The following ROBO1 variants were observed in gnomAD, a reference collection of about 807,000 sequenced individuals.
The protein encoded by ROBO1 is roundabout guidance receptor 1, also known as roundabout homolog 1.
In ROBO1, 149 loss-of-function variants were observed where a neutral mutation model predicts 195.9. That is an observed-to-expected ratio of 0.76 (90% CI 0.67 to 0.87). The LOEUF (loss-of-function observed/expected upper bound fraction) is 0.87. Among genes scored for constraint, ROBO1 ranks in the 40% least tolerant of loss-of-function variants. The probability of loss-of-function intolerance (pLI) is 0.00; values close to 1 mark genes in which losing one functional copy is unlikely to be tolerated. For synonymous variants in ROBO1, 816 were observed against 733.2 expected (o/e 1.11, Z -1.82); for missense variants, 1,933 against 2,068.3 (o/e 0.93, Z 1.27).
At chr3:78,775,316 C>T (rs764277569) in intron 4 of ROBO1, among the ~76,000 whole-genome samples, 10 of 152,172 alleles carry the variant, frequency 6.6e-5, no homozygotes, top group South Asian at 2.1e-4. Flanking sequence ...AAGGTACAGA[C>T]GTTCATTTCC....
chr3:79,046,291 A>G (rs892769808), intron 3 of ROBO1, among the ~76,000 whole-genome samples: 2 of 152,034 alleles, frequency 1.3e-5, no homozygotes, highest in African/African-American at 2.4e-5. Flanking sequence ...GCTAATAGCC[A>G]CCTGAGGGAG....
At chr3:79,444,717 C>T (rs571994837) in intron 2 of ROBO1, among the ~76,000 whole-genome samples, 77 of 151,932 alleles carry the variant, frequency 5.1e-4, no homozygotes, top group Non-Finnish European at 8.5e-4. Context: ...ATCAAATGTA[C>T]ATGAATAGTA....
chr3:79,245,936 C>T (rs995525291), intron 2 of ROBO1, among the ~76,000 whole-genome samples: 1 of 152,034 alleles, frequency 6.6e-6, no homozygotes, highest in African/African-American at 2.4e-5. Context: ...ACACTTTTCC[C>T]TTTACTGGGG....
At chr3:79,552,952 AT>A (rs1182583785) in intron 2 of ROBO1, among the ~76,000 whole-genome samples, 1 of 152,102 alleles carries the variant, frequency 6.6e-6, no homozygotes, top group Non-Finnish European at 1.5e-5. Context: ...TGCTAAGGCC[AT>A]TATGGCTCAT....
intron 2 of ROBO1, among the ~76,000 whole-genome samples, chr3:79,240,593 C>A (rs2082494121): frequency 6.6e-6 from 1 of 152,048 alleles, no homozygotes; most frequent in Non-Finnish European, 1.5e-5. Flanking sequence ...ATGTCTTTGC[C>A]TCTGAAAACA....
At chr3:79,141,469 A>G (rs977976325) in intron 2 of ROBO1, among the ~76,000 whole-genome samples, 4 of 152,048 alleles carry the variant, frequency 2.6e-5, no homozygotes, top group African/African-American at 9.7e-5. Flanking sequence ...GCTGTGTCCA[A>G]TCGAGGACCA....
intron 2 of ROBO1, among the ~76,000 whole-genome samples, chr3:79,364,253 C>CATATATATATAT (rs2035882071): frequency 8.8e-6 from 1 of 114,094 alleles, no homozygotes. Flanking sequence ...TATATATATA[C>CATATATATATAT]ATATATATAC....
intron 2 of ROBO1, among the ~76,000 whole-genome samples, chr3:79,570,288 G>GAA (rs35474151): frequency 0.087 from 12,701 of 146,238 alleles, 545 homozygotes; most frequent in East Asian, 0.15. Context: ...GAATTATAAT[G>GAA]AAAAAAAAAA....
At chr3:79,240,271 C>G (rs1278956801) in intron 2 of ROBO1, among the ~76,000 whole-genome samples, 1 of 152,144 alleles carries the variant, frequency 6.6e-6, no homozygotes, top group Non-Finnish European at 1.5e-5. Context: ...ACAATGTCCT[C>G]TAGGTTCACC....
At chr3:79,327,384 G>T (rs910653144) in intron 2 of ROBO1, among the ~76,000 whole-genome samples, 2 of 151,846 alleles carry the variant, frequency 1.3e-5, no homozygotes, top group Non-Finnish European at 2.9e-5. Flanking sequence ...CATTAAAAAA[G>T]ACTTTAGAGA....
At position 79,150,341 on chromosome 3, in the gene ROBO1, T is replaced by C. The variant is rs572486938; in HGVS notation, c.89-24802A>G. 1.6e-3 allele frequency among the ~76,000 whole-genome samples: 248 copies of C among 151,950 alleles called. 1 individual carries two copies. The highest frequency in any genetic ancestry group is 5.7e-3 in the African/African-American group (235 of 41,516). ...AGACCAGAAATCACAAGTCCATCCT[T>C]TTATTTTTCAGTGTGGCACACAGTG... On this transcript the variant is annotated intron_variant, in intron 2 of 30. Coordinates refer to ENST00000464233, the MANE Select transcript of ROBO1 (RefSeq NM_002941.4).
rs556036852 is a variant in ROBO1 at position 79,253,575 on chromosome 3, A to G, written c.89-128036T>C. Among the ~76,000 whole-genome samples the G allele has an allele frequency of 7.9e-5, 12 of 152,292 alleles. No individual in the cohort carries two copies. The East Asian group carries it at 2.1e-3, about 27-fold the overall frequency. ...TGTTCTTTAGTTGAAGATGGTGCTC[A>G]AGGCTTGCAGGAATTCTTCCATGCC... On this transcript the variant is annotated intron_variant, in intron 2 of 30. Coordinates refer to ENST00000464233, the MANE Select transcript of ROBO1 (RefSeq NM_002941.4).
intron 14 of ROBO1, among the ~76,000 whole-genome samples, chr3:78,666,814 G>A (rs1707764521): frequency 6.6e-6 from 1 of 152,136 alleles, no homozygotes; most frequent in South Asian, 2.1e-4. Flanking sequence ...TCCCAAACCA[G>A]CAGCAAAGGA....
intron 4 of ROBO1, among the ~76,000 whole-genome samples, chr3:78,932,633 A>C (rs1385150033): frequency 1.3e-5 from 2 of 152,118 alleles, no homozygotes; most frequent in Non-Finnish European, 2.9e-5. Context: ...TTTTTTGGCC[A>C]CCTAAGAAAA....
At chr3:78,867,224 G>T (rs1559941924) in intron 4 of ROBO1, among the ~76,000 whole-genome samples, 1 of 152,082 alleles carries the variant, frequency 6.6e-6, no homozygotes, top group African/African-American at 2.4e-5. Context: ...TCAGATTATT[G>T]TTCCATGAAG....
At chr3:78,823,191 T>A (rs1182904973) in intron 4 of ROBO1, among the ~76,000 whole-genome samples, 2 of 430 alleles carry the variant, frequency 4.7e-3, no homozygotes, top group African/African-American at 6.3e-3. Context: ...TTAAAATGAT[T>A]TTTTTTTTTT....
chr3:78,915,010 A>G lies in ROBO1; in HGVS notation c.499+23591T>C, dbSNP rs572405060. 2.6e-5 allele frequency among the ~76,000 whole-genome samples: 4 copies of G among 152,116 alleles called. No individual in the cohort carries two copies. The East Asian group carries it at 7.7e-4, about 29-fold the overall frequency. On this transcript the variant is annotated intron_variant, in intron 4 of 30. Coordinates refer to ENST00000464233, the MANE Select transcript of ROBO1 (RefSeq NM_002941.4). ...TTGATTAAAATTAAGATACAAATTA[A>G]AAAACAAAAACAGTGGCAAACTGAG...
intron 21 of ROBO1, 74 bp from the exon 22 acceptor site, chr3:78,639,972 A>T: frequency 8.2e-7 from 1 of 1,214,172 alleles, no homozygotes; most frequent in Non-Finnish European, 1.1e-6. Context: ...AATTCCAATA[A>T]ATTCCTCATC....
intron 1 of ROBO1, among the ~76,000 whole-genome samples, chr3:79,756,058 A>G (rs1400818684): frequency 2.6e-5 from 4 of 152,168 alleles, no homozygotes; most frequent in Non-Finnish European, 5.9e-5. Context: ...TCACTGTTAA[A>G]TATTTTATTT....
Sources: allele counts gnomAD v4.1 joint callset (sites outside exome capture counted in the v4.1 genomes callset), GRCh38; gene constraint gnomAD v4.1.1; transcripts MANE v1.5; gene names NCBI Gene and HGNC (gene_info 2026-07-23, HGNC 2026-07-21).